TRPC5: variants seen among roughly 807,000 people sequenced by gnomAD.
TRPC5 encodes short transient receptor potential channel 5.
In TRPC5, 9 loss-of-function variants were observed where a neutral mutation model predicts 56.5. That is an observed-to-expected ratio of 0.16 (90% CI 0.10 to 0.28). The LOEUF is 0.28. Ranked by LOEUF, TRPC5 falls within the 10% of genes least tolerant of loss-of-function variation. The probability of loss-of-function intolerance (pLI) is 1.00; values close to 1 mark genes in which losing one functional copy is unlikely to be tolerated. For synonymous variants in TRPC5, 282 were observed against 278.5 expected (o/e 1.01, Z -0.13); for missense variants, 469 against 748.9 (o/e 0.63, Z 4.36).
intron 1 of TRPC5, among the ~76,000 whole-genome samples, chrX:112,069,256 AGGACT>A (rs779581444): frequency 8.9e-6 from 1 of 112,096 alleles, no homozygotes; most frequent in Admixed American, 9.4e-5. Flanking sequence ...TAGCAGGGCT[AGGACT>A]CTTGACTCCC....
At chrX:111,980,131 C>T (rs1928039279) in intron 1 of TRPC5, among the ~76,000 whole-genome samples, 1 of 111,491 alleles carries the variant, frequency 9.0e-6, no homozygotes, top group South Asian at 3.7e-4. Flanking sequence ...TAATGGAATA[C>T]TATTCAGCAG....
chrX:111,818,589 T>C (rs1603042269), intron 7 of TRPC5, among the ~76,000 whole-genome samples: 1 of 109,191 alleles, frequency 9.2e-6, no homozygotes, highest in East Asian at 2.8e-4. Flanking sequence ...CCTACCACTT[T>C]TCTTTTCTTT....
chrX:111,940,309 T>A (rs1926734995), intron 2 of TRPC5, among the ~76,000 whole-genome samples: 1 of 111,795 alleles, frequency 8.9e-6, no homozygotes, highest in Non-Finnish European at 1.9e-5. Flanking sequence ...TGCAGTGGGA[T>A]GATCTGGACT....
At position 111,851,510 on chromosome X, in the gene TRPC5, G is replaced by GGTGTGT. The variant is rs563243659; in HGVS notation, c.1377+782_1377+787dup. Reference sequence around the variant, plus strand: ...TGTTGTGTGGGAAAAGTATTAAGGTGGTGTGTGTGTGTGTGTGTGTGTGTG... The same window carrying GGTGTGT: ...TGTTGTGTGGGAAAAGTATTAAGGTGGTGTGTGTGTGTGTGTGTGTGTGTGTGTGTG... On this transcript the variant is annotated intron_variant, in intron 5 of 10. Coordinates refer to ENST00000262839, the MANE Select transcript of TRPC5 (RefSeq NM_012471.3). Among the ~76,000 whole-genome samples the GGTGTGT allele has an allele frequency of 9.4e-3, 928 of 99,060 alleles. 8 individuals are homozygous for GGTGTGT. Among genetic ancestry groups the GGTGTGT allele is most frequent in the African/African-American group, 0.029 (769 of 26,714 alleles). 86.0% of individuals were successfully genotyped at this position (99,060 alleles called of 115,157 possible).
At chrX:111,927,584 G>T (rs963188265) in intron 2 of TRPC5, among the ~76,000 whole-genome samples, 8 of 111,102 alleles carry the variant, frequency 7.2e-5, no homozygotes, top group African/African-American at 2.6e-4. Context: ...CCGGGGCTGT[G>T]GAGGACTGAA....
intron 1 of TRPC5, among the ~76,000 whole-genome samples, chrX:112,016,314 C>T (rs1187235724): frequency 9.0e-6 from 1 of 110,779 alleles, no homozygotes; most frequent in Non-Finnish European, 1.9e-5. Flanking sequence ...AGCCCTGAGA[C>T]ACCAATTACA....
At chrX:112,029,978 C>T (rs1929543066) in intron 1 of TRPC5, among the ~76,000 whole-genome samples, 1 of 111,262 alleles carries the variant, frequency 9.0e-6, no homozygotes, top group Admixed American at 9.5e-5. Flanking sequence ...CAGGCTTGTG[C>T]AACCACGCCT....
Position 112,008,419 on chromosome X carries a change from A to C in TRPC5, c.-21-55978T>G, listed in dbSNP as rs188718999. Among the ~76,000 whole-genome samples, 789 of 110,214 alleles carry C rather than the reference A, an allele frequency of 7.2e-3. 6 individuals are homozygous for C. Among genetic ancestry groups the C allele is most frequent in the African/African-American group, 0.024 (733 of 30,330 alleles). On this transcript the variant is annotated intron_variant, in intron 1 of 10. Coordinates refer to ENST00000262839, the MANE Select transcript of TRPC5 (RefSeq NM_012471.3). ...ATCCTGGCTAACACAGTGAAACCCC[A>C]TCTCTACTAAAAATACAAAAGAAAA... is the stretch of plus-strand genomic sequence containing the variant.
intron 1 of TRPC5, among the ~76,000 whole-genome samples, chrX:111,956,596 A>G (rs1047731133): frequency 9.0e-6 from 1 of 111,542 alleles, no homozygotes; most frequent in African/African-American, 3.3e-5. Context: ...TTTCTTGTAT[A>G]AAAGCACAGG....
At chrX:112,042,406 G>A (rs1929916789) in intron 1 of TRPC5, among the ~76,000 whole-genome samples, 1 of 111,864 alleles carries the variant, frequency 8.9e-6, no homozygotes, top group African/African-American at 3.3e-5. Flanking sequence ...AAGAGGCAAG[G>A]ATGCTTTTTC....
At chrX:111,961,099 C>T (rs1029642693) in intron 1 of TRPC5, among the ~76,000 whole-genome samples, 3 of 112,006 alleles carry the variant, frequency 2.7e-5, no homozygotes, top group Non-Finnish European at 5.6e-5. Context: ...CGTCAGCCAA[C>T]GTGCCCGGCC....
intron 1 of TRPC5, among the ~76,000 whole-genome samples, chrX:112,052,598 G>A (rs1249210406): frequency 9.0e-6 from 1 of 111,496 alleles, no homozygotes; most frequent in African/African-American, 3.3e-5. Flanking sequence ...ACTCTGTTGA[G>A]TCCTTTGATG....
chrX:111,779,155 A>T, intron 9 of TRPC5, 81 bp from the exon 10 acceptor site: 1 of 638,272 alleles, frequency 1.6e-6, no homozygotes, highest in Non-Finnish European at 2.3e-6. Context: ...AGGAAATAAA[A>T]CATGCTTAGA....
chrX:112,047,485 T>C (rs750931445), intron 1 of TRPC5, among the ~76,000 whole-genome samples: 12 of 111,473 alleles, frequency 1.1e-4, no homozygotes, highest in Non-Finnish European at 2.3e-4. Flanking sequence ...TCAACAGCCA[T>C]TGCCCTAGCT....
intron 1 of TRPC5, among the ~76,000 whole-genome samples, chrX:111,991,580 G>A (rs1928355800): frequency 9.0e-6 from 1 of 111,729 alleles, no homozygotes; most frequent in Admixed American, 9.5e-5. Flanking sequence ...AGGACACCAT[G>A]AGCAAATGAG....
intron 1 of TRPC5, among the ~76,000 whole-genome samples, chrX:112,052,629 A>T (rs1246045254): frequency 9.0e-6 from 1 of 111,243 alleles, no homozygotes; most frequent in Non-Finnish European, 1.9e-5. Flanking sequence ...TTAAATTTTG[A>T]TGTAGTATAA....
At chrX:112,011,636 C>A (rs1928995595) in intron 1 of TRPC5, among the ~76,000 whole-genome samples, 1 of 111,640 alleles carries the variant, frequency 9.0e-6, no homozygotes, top group Admixed American at 9.5e-5. Context: ...GTTCCACTGC[C>A]CTCATATCCA....
At chrX:111,896,379 G>C (rs1019240958) in intron 3 of TRPC5, 1 of 109,244 alleles carries the variant, frequency 9.2e-6, no homozygotes, top group Non-Finnish European at 1.9e-5. Flanking sequence ...TTTGGTGGGG[G>C]CGGGTGTGGT....
Position 112,063,917 on chromosome X carries a change from G to A in TRPC5, c.-22+17962C>T, listed in dbSNP as rs570521898. Reference sequence around the variant, plus strand: ...CGCCATTTTCCTGCCTTGGCCTCCCGAGCAGTTGGGACTACAGGCGCCCAC... The same window carrying A: ...CGCCATTTTCCTGCCTTGGCCTCCCAAGCAGTTGGGACTACAGGCGCCCAC... On this transcript the variant is annotated intron_variant, in intron 1 of 10. Coordinates refer to ENST00000262839, the MANE Select transcript of TRPC5 (RefSeq NM_012471.3). Among the ~76,000 whole-genome samples the A allele has an allele frequency of 2.7e-5, 3 of 111,303 alleles. No homozygotes were observed. In the South Asian group the frequency reaches 1.1e-3, roughly 43 times the overall value.
Sources: gnomAD v4.1 joint callset for allele counts (sites outside exome capture counted in the v4.1 genomes callset) on GRCh38, gnomAD v4.1.1 for gene constraint, MANE v1.5 for transcripts, NCBI Gene and HGNC (gene_info 2026-07-23, HGNC 2026-07-21) for gene names.